The following SEMA4D variants were observed in gnomAD, a reference collection of about 807,000 sequenced individuals.
SEMA4D encodes semaphorin-4D.
Under a neutral mutation model 74.8 loss-of-function variants are expected in SEMA4D, and 22 were observed. That is an observed-to-expected ratio of 0.29 (90% CI 0.21 to 0.42). SEMA4D has a LOEUF of 0.42. Among genes scored for constraint, SEMA4D ranks in the 10% least tolerant of loss-of-function variants. The pLI is 1.00. For synonymous variants in SEMA4D, 445 were observed against 463.7 expected, an observed-to-expected ratio of 0.96 and a Z score of 0.52; for missense variants, 937 against 1,118.4, an observed-to-expected ratio of 0.84 and a Z score of 2.31.
At chr9:89,455,121 A>G (rs866868032) in intron 2 of SEMA4D, among the ~76,000 whole-genome samples, 1 of 152,240 alleles carries the variant, frequency 6.6e-6, no homozygotes, top group African/African-American at 2.4e-5. Flanking sequence ...CTGTGCCTCC[A>G]TGGCCTCATC....
At chr9:89,478,290 T>C (rs1439170985) in intron 1 of SEMA4D, among the ~76,000 whole-genome samples, 1 of 152,180 alleles carries the variant, frequency 6.6e-6, no homozygotes, top group African/African-American at 2.4e-5. Flanking sequence ...ACAAGTGCCC[T>C]TATAGATACA....
chr9:89,412,359 G>A (rs1158141572), intron 2 of SEMA4D, among the ~76,000 whole-genome samples: 1 of 152,204 alleles, frequency 6.6e-6, no homozygotes. Context: ...GCTGAGAGAA[G>A]GTATTTCCAG....
intron 5 of SEMA4D, among the ~76,000 whole-genome samples, chr9:89,398,279 TAG>T (rs1303087740): frequency 3.9e-5 from 6 of 152,156 alleles, no homozygotes; most frequent in Admixed American, 1.3e-4. Flanking sequence ...GGTGCTGGAC[TAG>T]AGAGAGGTGA....
chr9:89,383,082 C>A (rs974395127), intron 13 of SEMA4D, among the ~76,000 whole-genome samples: 8 of 152,152 alleles, frequency 5.3e-5, no homozygotes, highest in Admixed American at 5.2e-4. Context: ...GAAGAGGGGA[C>A]AGGGAAGGAG....
intron 2 of SEMA4D, among the ~76,000 whole-genome samples, chr9:89,428,926 C>T (rs1275896704): frequency 6.6e-6 from 1 of 152,232 alleles, no homozygotes; most frequent in Admixed American, 6.5e-5. Flanking sequence ...TGGACCCTGC[C>T]AACCACACCA....
rs1197188324 is a variant in SEMA4D at position 89,402,940 on chromosome 9, G to A, written c.183C>T (p.Thr61=). Residue 61 remains threonine (T), a synonymous_variant, in exon 4 of 16, where the codon ACC becomes ACT. Transcript: ENST00000422704. The part of the protein sequence containing the change: ...SALLLSEDKD[T]LYIGAREAVF... The stretch of plus-strand genomic sequence containing the variant: ...CCGCCTCCCGGGCACCTATGTACAA[G>A]GTGTCCTTGTCCTCGCTCAGCAGCA... 1.2e-6 allele frequency: 2 copies of A among 1,614,060 alleles called. No homozygotes were observed.
chr9:89,403,525 G>A (rs903292811), intron 3 of SEMA4D, among the ~76,000 whole-genome samples: 1 of 152,140 alleles, frequency 6.6e-6, no homozygotes, highest in African/African-American at 2.4e-5. Context: ...ATCCATCAAC[G>A]AATGCAATTC....
chr9:89,426,205 G>A (rs948055715), intron 2 of SEMA4D, among the ~76,000 whole-genome samples: 5 of 152,218 alleles, frequency 3.3e-5, no homozygotes, highest in African/African-American at 7.2e-5. Flanking sequence ...TGCTCGTTCT[G>A]CCACGGTGCA....
intron 2 of SEMA4D, among the ~76,000 whole-genome samples, chr9:89,452,167 G>A (rs1236677128): frequency 7.1e-6 from 1 of 141,020 alleles, no homozygotes; most frequent in Admixed American, 7.7e-5. Context: ...TCTATGTCCT[G>A]TCTTGGTTTT....
intron 2 of SEMA4D, among the ~76,000 whole-genome samples, chr9:89,411,960 C>T (rs1437254756): frequency 6.6e-6 from 1 of 152,244 alleles, no homozygotes; most frequent in Non-Finnish European, 1.5e-5. Flanking sequence ...ATGCACCCCA[C>T]CCGTCTCAGG....
intron 2 of SEMA4D, among the ~76,000 whole-genome samples, chr9:89,427,855 A>T (rs1266469953): frequency 6.6e-6 from 1 of 152,142 alleles, no homozygotes; most frequent in African/African-American, 2.4e-5. Context: ...CTGGTGAGTC[A>T]CTGTCACTCA....
At chr9:89,371,965 TGGG>T in intron 16 of SEMA4D, among the ~76,000 whole-genome samples, 1 of 126,192 alleles carries the variant, frequency 7.9e-6, no homozygotes, top group South Asian at 2.7e-4. Context: ...GTGGTGTGTG[TGGG>T]GTGTGGTGTG....
At chr9:89,382,858 C>G (rs1564548261) in intron 13 of SEMA4D, among the ~76,000 whole-genome samples, 1 of 152,266 alleles carries the variant, frequency 6.6e-6, no homozygotes, top group East Asian at 1.9e-4. Context: ...TGACTCCTCA[C>G]CCCAAAGAGA....
intron 2 of SEMA4D, among the ~76,000 whole-genome samples, chr9:89,449,290 C>T (rs1853740030): frequency 6.6e-6 from 1 of 152,236 alleles, no homozygotes; most frequent in East Asian, 1.9e-4. Flanking sequence ...TGTTACAAGT[C>T]ACTAGCTCCC....
At chr9:89,393,497 C>T (rs1253358489) in intron 7 of SEMA4D, 65 bp downstream of exon 7, 1 of 1,320,918 alleles carries the variant, frequency 7.6e-7, no homozygotes, top group African/African-American at 1.5e-5. Context: ...ATCCAAATAT[C>T]CTGTTTGGTA....
intron 4 of SEMA4D, among the ~76,000 whole-genome samples, chr9:89,399,952 C>T (rs1225263374): frequency 2.2e-5 from 3 of 139,250 alleles, no homozygotes; most frequent in Admixed American, 7.7e-5. Context: ...AAGCCGAGAT[C>T]GCACCACTGC....
At chr9:89,383,832 G>A (rs948385336) in intron 13 of SEMA4D, among the ~76,000 whole-genome samples, 4 of 152,198 alleles carry the variant, frequency 2.6e-5, no homozygotes, top group African/African-American at 7.2e-5. Flanking sequence ...GAGGCCCGCT[G>A]AGAGCAAGCC....
intron 2 of SEMA4D, among the ~76,000 whole-genome samples, chr9:89,445,845 C>A (rs1464304724): frequency 6.6e-6 from 1 of 152,184 alleles, no homozygotes; most frequent in African/African-American, 2.4e-5. Flanking sequence ...CATACCCAGG[C>A]CTCAGGCGGG....
intron 1 of SEMA4D, among the ~76,000 whole-genome samples, chr9:89,464,195 C>T (rs894578798): frequency 3.3e-5 from 5 of 152,178 alleles, no homozygotes; most frequent in African/African-American, 1.2e-4. Flanking sequence ...GCACTACGCT[C>T]TCAGGGACCA....
Sources: gnomAD v4.1 joint callset for allele counts (sites outside exome capture counted in the v4.1 genomes callset) on GRCh38, gnomAD v4.1.1 for gene constraint, MANE v1.5 for transcripts, NCBI Gene and HGNC (gene_info 2026-07-23, HGNC 2026-07-21) for gene names.